PELI2: variants seen among roughly 807,000 people sequenced by gnomAD.
PELI2 encodes E3 ubiquitin-protein ligase pellino homolog 2.
Under a neutral mutation model 42.3 loss-of-function variants are expected in PELI2, and 23 were observed. The ratio of observed to expected loss-of-function variants is 0.54; its 90% confidence interval spans 0.39 to 0.77. The LOEUF is 0.77. Among genes scored for constraint, PELI2 ranks in the 30% least tolerant of loss-of-function variants. The probability of loss-of-function intolerance (pLI) is 0.00; values close to 1 mark genes in which losing one functional copy is unlikely to be tolerated. For synonymous variants in PELI2, 245 were observed against 212.2 expected, an observed-to-expected ratio of 1.15 and a Z score of -1.34; for missense variants, 463 against 553.2, an observed-to-expected ratio of 0.84 and a Z score of 1.64.
At chr14:56,217,074 CTGT>C (rs972562071) in intron 2 of PELI2, among the ~76,000 whole-genome samples, 12 of 151,948 alleles carry the variant, frequency 7.9e-5, no homozygotes, top group Admixed American at 4.6e-4. Context: ...TCCAAACAGA[CTGT>C]TGTTTCTAAA....
intron 1 of PELI2, among the ~76,000 whole-genome samples, chr14:56,122,740 A>G (rs1187147277): frequency 6.6e-6 from 1 of 152,186 alleles, no homozygotes; most frequent in African/African-American, 2.4e-5. Flanking sequence ...TTTTCATGAT[A>G]TTCAAACTGC....
intron 2 of PELI2, among the ~76,000 whole-genome samples, chr14:56,212,035 A>T (rs947231358): frequency 1.3e-5 from 2 of 152,354 alleles, no homozygotes; most frequent in African/African-American, 4.8e-5. Flanking sequence ...TGCTGGGAAT[A>T]GTCCTGGTGG....
chr14:56,169,389 T>C (rs558663230), intron 1 of PELI2, among the ~76,000 whole-genome samples: 111 of 152,190 alleles, frequency 7.3e-4, no homozygotes, highest in Non-Finnish European at 1.4e-3. Context: ...GGATAGGCGA[T>C]TGGCCAGGGC....
chr14:56,270,826 A>C (rs1312557886), intron 2 of PELI2, among the ~76,000 whole-genome samples: 1 of 152,224 alleles, frequency 6.6e-6, no homozygotes, highest in Non-Finnish European at 1.5e-5. Flanking sequence ...AGCTGAACTC[A>C]GATTCAAACC....
intron 1 of PELI2, among the ~76,000 whole-genome samples, chr14:56,171,576 G>A (rs1243621926): frequency 6.6e-6 from 1 of 152,206 alleles, no homozygotes; most frequent in Admixed American, 6.5e-5. Context: ...CTGTTACACT[G>A]TGCCAGGTGC....
At chr14:56,120,358 C>G (rs1883016671) in intron 1 of PELI2, among the ~76,000 whole-genome samples, 1 of 152,150 alleles carries the variant, frequency 6.6e-6, no homozygotes, top group Non-Finnish European at 1.5e-5. Context: ...TTGAGGAAAT[C>G]ATTGTTGAGA....
At chr14:56,196,070 T>C (rs1566631190) in intron 2 of PELI2, among the ~76,000 whole-genome samples, 1 of 152,194 alleles carries the variant, frequency 6.6e-6, no homozygotes, top group African/African-American at 2.4e-5. Context: ...AGTACAGAAA[T>C]GGTTAAAATG....
chr14:56,120,772 G>T (rs1883032065), intron 1 of PELI2, among the ~76,000 whole-genome samples: 1 of 152,172 alleles, frequency 6.6e-6, no homozygotes, highest in South Asian at 2.1e-4. Flanking sequence ...AAGAGGAGTT[G>T]ATAAACTTGG....
chr14:56,168,678 C>G (rs1885056866), intron 1 of PELI2, among the ~76,000 whole-genome samples: 3 of 152,036 alleles, frequency 2.0e-5, no homozygotes, highest in Admixed American at 1.3e-4. Context: ...TGTGGCCGTG[C>G]TGGTACGTAA....
intron 1 of PELI2, among the ~76,000 whole-genome samples, chr14:56,153,957 G>A (rs1010378316): frequency 3.9e-5 from 6 of 152,056 alleles, no homozygotes; most frequent in Admixed American, 1.3e-4. Context: ...TCTAAATTGA[G>A]TAATACTGTA....
chr14:56,255,867 G>A (rs1888510540), intron 2 of PELI2, among the ~76,000 whole-genome samples: 1 of 152,140 alleles, frequency 6.6e-6, no homozygotes, highest in South Asian at 2.1e-4. Context: ...TGGCAGAGAA[G>A]GGAAGATGGA....
intron 4 of PELI2, among the ~76,000 whole-genome samples, chr14:56,289,834 GTCTT>G (rs1472983460): frequency 6.6e-6 from 1 of 152,202 alleles, no homozygotes; most frequent in Non-Finnish European, 1.5e-5. Context: ...TTAATAAAAG[GTCTT>G]TCTTTATGAC....
At chr14:56,179,267 T>C (rs1178248239) in intron 2 of PELI2, among the ~76,000 whole-genome samples, 1 of 152,232 alleles carries the variant, frequency 6.6e-6, no homozygotes, top group Admixed American at 6.5e-5. Context: ...TGGCTGTACC[T>C]GTTGATCATG....
At position 56,132,717 on chromosome 14, in the gene PELI2, G is replaced by T. The variant is rs540174319; in HGVS notation, c.77+13980G>T. Among the ~76,000 whole-genome samples, 5 of 152,280 alleles carry T rather than the reference G, an allele frequency of 3.3e-5. No individual in the cohort carries two copies. In the South Asian group the frequency reaches 1.0e-3, roughly 32 times the overall value. On this transcript the variant is annotated intron_variant, in intron 1 of 5. Transcript: ENST00000267460. ...CCCTTTCAGCTCAGTTTAAGTGACT[G>T]TTTCTCTGATCTAATTGGGTCTTTT...
intron 2 of PELI2, among the ~76,000 whole-genome samples, chr14:56,255,639 A>T (rs1888502227): frequency 6.6e-6 from 1 of 152,112 alleles, no homozygotes; most frequent in South Asian, 2.1e-4. Context: ...ATAATTTTTT[A>T]AAAAGTGGGG....
intron 1 of PELI2, among the ~76,000 whole-genome samples, chr14:56,161,825 A>G (rs554017043): frequency 6.6e-6 from 1 of 152,338 alleles, no homozygotes; most frequent in African/African-American, 2.4e-5. Flanking sequence ...AGGCCAAGCC[A>G]GGGAACATAT....
intron 3 of PELI2, among the ~76,000 whole-genome samples, chr14:56,282,175 C>G (rs887544937): frequency 5.3e-5 from 8 of 151,950 alleles, no homozygotes; most frequent in African/African-American, 9.7e-5. Context: ...AGTAGTGGAC[C>G]AGTTCAGTAA....
intron 2 of PELI2, among the ~76,000 whole-genome samples, chr14:56,221,914 A>G (rs926533681): frequency 6.6e-6 from 1 of 152,204 alleles, no homozygotes; most frequent in African/African-American, 2.4e-5. Context: ...TGTGACAGCC[A>G]CGAGAGGAAC....
At chr14:56,203,822 A>G (rs907767299) in intron 2 of PELI2, among the ~76,000 whole-genome samples, 8 of 152,122 alleles carry the variant, frequency 5.3e-5, no homozygotes, top group Non-Finnish European at 1.2e-4. Flanking sequence ...AGGAGGTCTC[A>G]CCCTACTCTA....
Sources: gnomAD v4.1 joint callset for allele counts (sites outside exome capture counted in the v4.1 genomes callset) on GRCh38, gnomAD v4.1.1 for gene constraint, MANE v1.5 for transcripts, NCBI Gene and HGNC (gene_info 2026-07-23, HGNC 2026-07-21) for gene names.